RNF13: variants seen among roughly 807,000 people sequenced by gnomAD.
RNF13 encodes E3 ubiquitin-protein ligase RNF13.
Under a neutral mutation model 37.7 loss-of-function variants are expected in RNF13, and 19 were observed. The ratio of observed to expected loss-of-function variants is 0.50; its 90% CI spans 0.35 to 0.74. The LOEUF is 0.74. RNF13 is among the 30% of genes least tolerant of loss of function. The pLI, the probability that RNF13 is intolerant of heterozygous loss-of-function variation, is 0.01. For missense variants in RNF13, 375 were observed against 453.0 expected, an observed-to-expected ratio of 0.83 and a Z score of 1.56; for synonymous variants, 144 against 157.8, an observed-to-expected ratio of 0.91 and a Z score of 0.65.
At chr3:149,833,777 A>C (rs1226741336) in intron 1 of RNF13, among the ~76,000 whole-genome samples, 1 of 152,236 alleles carries the variant, frequency 6.6e-6, no homozygotes, top group African/African-American at 2.4e-5. Flanking sequence ...TTAGGCAAGA[A>C]AGAGAAATGA....
intron 2 of RNF13, among the ~76,000 whole-genome samples, chr3:149,850,576 T>A (rs552425077): frequency 6.6e-6 from 1 of 152,368 alleles, no homozygotes; most frequent in East Asian, 1.9e-4. Flanking sequence ...TTAGCTATAA[T>A]AGTGAAACTC....
rs79508433 is a variant in RNF13, at chr3:149,895,248, G to T, written c.322-225G>T. 1,068 of 368,336 alleles carry T rather than the reference G, an allele frequency of 2.9e-3. 12 individuals are homozygous for T. The highest frequency in any genetic ancestry group is 0.02 in the African/African-American group (962 of 47,784). 22.8% of individuals were successfully genotyped at this position (368,336 alleles called of 1,614,324 possible). ...GCTCAAGTTCATCCCACTAATTCATGGCAGAGGTGGGAATTGAATGCTCAA... is the reference window on the plus strand; with the variant it reads ...GCTCAAGTTCATCCCACTAATTCATTGCAGAGGTGGGAATTGAATGCTCAA... On this transcript the variant is annotated intron_variant, in intron 4 of 9. Coordinates refer to ENST00000392894, the MANE Select transcript of RNF13 (RefSeq NM_183381.3).
intron 8 of RNF13, among the ~76,000 whole-genome samples, chr3:149,946,146 C>A (rs1559969244): frequency 6.6e-6 from 1 of 152,278 alleles, no homozygotes; most frequent in East Asian, 1.9e-4. Context: ...GCGAACCCAT[C>A]CCAAAGAATC....
intron 6 of RNF13, among the ~76,000 whole-genome samples, chr3:149,911,108 C>T (rs965308954): frequency 1.3e-5 from 2 of 152,022 alleles, no homozygotes; most frequent in African/African-American, 4.8e-5. Context: ...ATTATTTGAC[C>T]AGTTTTTCAT....
chr3:149,925,526 A>G (rs1032878433), intron 8 of RNF13, among the ~76,000 whole-genome samples: 1 of 152,136 alleles, frequency 6.6e-6, no homozygotes, highest in African/African-American at 2.4e-5. Flanking sequence ...TTAATTTTTT[A>G]ATGAAATTTA....
chr3:149,948,683 T>C (rs754049362), intron 8 of RNF13, among the ~76,000 whole-genome samples: 4 of 152,230 alleles, frequency 2.6e-5, no homozygotes, highest in Non-Finnish European at 4.4e-5. Context: ...TCAAATTGCC[T>C]GTTTTTACAT....
At chr3:149,953,020 TGTA>T (rs759751027) in intron 8 of RNF13, among the ~76,000 whole-genome samples, 125 of 152,314 alleles carry the variant, frequency 8.2e-4, no homozygotes, top group Non-Finnish European at 8.7e-4. Context: ...TGGGTACAGT[TGTA>T]GTTTATCTGC....
intron 1 of RNF13, among the ~76,000 whole-genome samples, chr3:149,842,678 A>G (rs1329477312): frequency 6.6e-6 from 1 of 152,268 alleles, no homozygotes; most frequent in Non-Finnish European, 1.5e-5. Context: ...TTTTTCTAAA[A>G]AGAAAAATTC....
intron 2 of RNF13, among the ~76,000 whole-genome samples, chr3:149,848,782 C>G (rs1722874902): frequency 6.6e-6 from 1 of 152,012 alleles, no homozygotes; most frequent in Non-Finnish European, 1.5e-5. Flanking sequence ...AATTCACAGA[C>G]AACAGTGTTT....
At chr3:149,867,025 G>A (rs1428590614) in intron 3 of RNF13, among the ~76,000 whole-genome samples, 2 of 152,094 alleles carry the variant, frequency 1.3e-5, no homozygotes, top group African/African-American at 4.8e-5. Flanking sequence ...TTCTGTAAAT[G>A]TCAGGACTTT....
At chr3:149,848,474 A>G (rs1217288720) in intron 2 of RNF13, among the ~76,000 whole-genome samples, 1 of 152,214 alleles carries the variant, frequency 6.6e-6, no homozygotes, top group Non-Finnish European at 1.5e-5. Flanking sequence ...TGTGACAATC[A>G]TTCAAAGGAA....
At chr3:149,903,603 T>G (rs193094085) in intron 6 of RNF13, among the ~76,000 whole-genome samples, 1 of 152,300 alleles carries the variant, frequency 6.6e-6, no homozygotes, top group East Asian at 1.9e-4. Flanking sequence ...CTTTATTTAC[T>G]TAATGTTTTG....
At chr3:149,827,885 G>A (rs1386945919) in intron 1 of RNF13, among the ~76,000 whole-genome samples, 1 of 151,924 alleles carries the variant, frequency 6.6e-6, no homozygotes, top group Non-Finnish European at 1.5e-5. Flanking sequence ...CAAGGTGGGA[G>A]GATCGCTTGA....
chr3:149,921,096 TTAA>T (rs772207235), intron 7 of RNF13, 35 bp from the exon 8 acceptor site: 26 of 831,080 alleles, frequency 3.1e-5, no homozygotes, highest in Admixed American at 9.0e-5. Flanking sequence ...CTTTGCACAT[TTAA>T]TATCTGACTC....
At chr3:149,929,520 C>T (rs1243523701) in intron 8 of RNF13, among the ~76,000 whole-genome samples, 1 of 152,150 alleles carries the variant, frequency 6.6e-6, no homozygotes, top group African/African-American at 2.4e-5. Flanking sequence ...TTCTTTCCAA[C>T]ATGGATTTAT....
intron 8 of RNF13, among the ~76,000 whole-genome samples, chr3:149,925,311 G>A (rs1718528987): frequency 6.6e-6 from 1 of 152,110 alleles, no homozygotes; most frequent in Non-Finnish European, 1.5e-5. Context: ...GAATCATCCA[G>A]TTCAAGAGAT....
intron 8 of RNF13, among the ~76,000 whole-genome samples, chr3:149,935,454 TTTTC>T (rs1206638552): frequency 3.9e-5 from 6 of 152,188 alleles, no homozygotes; most frequent in Non-Finnish European, 7.4e-5. Flanking sequence ...TTTTACTTTC[TTTTC>T]TTTCTTTCTC....
chr3:149,895,227 A>T (rs895434288), intron 4 of RNF13: 3 of 334,392 alleles, frequency 9.0e-6, no homozygotes, highest in African/African-American at 6.4e-5. Context: ...TAATTTGCTC[A>T]AGTTCATCCC....
At chr3:149,930,786 C>T (rs145911608) in intron 8 of RNF13, among the ~76,000 whole-genome samples, 6 of 152,194 alleles carry the variant, frequency 3.9e-5, no homozygotes, top group East Asian at 3.9e-4. Flanking sequence ...GTGTGGCTTT[C>T]GGCAGATTGT....
Sources: allele counts gnomAD v4.1 joint callset (sites outside exome capture counted in the v4.1 genomes callset), GRCh38; gene constraint gnomAD v4.1.1; transcripts MANE v1.5; gene names NCBI Gene and HGNC (gene_info 2026-07-23, HGNC 2026-07-21).